GALNT17: variants seen among roughly 807,000 people sequenced by gnomAD.
The protein encoded by GALNT17 is UDP-GalNAc:polypeptide N-acetylgalactosaminyltransferase-like 3.
In GALNT17, 29 loss-of-function variants were observed where a neutral mutation model predicts 63.7. That is an observed-to-expected ratio of 0.46 (90% CI 0.34 to 0.62). GALNT17 has a LOEUF of 0.62. GALNT17 is among the 20% of genes least tolerant of loss of function. The probability of loss-of-function intolerance (pLI) is 0.01; values close to 1 mark genes in which losing one functional copy is unlikely to be tolerated. For missense variants in GALNT17, 603 were observed against 799.6 expected (o/e 0.75, Z 2.97); for synonymous variants, 305 against 318.3 (o/e 0.96, Z 0.45).
chr7:71,525,712 T>TACTC (rs1414557550), intron 5 of GALNT17, among the ~76,000 whole-genome samples: 1 of 151,202 alleles, frequency 6.6e-6, no homozygotes, highest in Non-Finnish European at 1.5e-5. Flanking sequence ...TTACTGAAAT[T>TACTC]ACTCAGTCTT....
chr7:71,481,307 A>G (rs937762401), intron 5 of GALNT17, among the ~76,000 whole-genome samples: 1 of 152,030 alleles, frequency 6.6e-6, no homozygotes, highest in Non-Finnish European at 1.5e-5. Context: ...AAAATTAGTC[A>G]GGGGTGGTGG....
At chr7:71,151,823 T>G (rs1788141207) in intron 1 of GALNT17, among the ~76,000 whole-genome samples, 1 of 152,098 alleles carries the variant, frequency 6.6e-6, no homozygotes, top group African/African-American at 2.4e-5. Context: ...TTGTTACAGT[T>G]TCTGCTGAAA....
At chr7:71,675,029 C>G (rs143736411) in intron 8 of GALNT17, among the ~76,000 whole-genome samples, 1,785 of 151,924 alleles carry the variant, frequency 0.012, 19 homozygotes, top group African/African-American at 0.032. Flanking sequence ...ACTAAAAATA[C>G]AAAAATTAGC....
intron 2 of GALNT17, among the ~76,000 whole-genome samples, chr7:71,373,525 G>A (rs1359924001): frequency 5.3e-5 from 8 of 152,144 alleles, no homozygotes; most frequent in Non-Finnish European, 1.2e-4. Context: ...GAACTGGGCC[G>A]AACAGCAGGA....
intron 5 of GALNT17, among the ~76,000 whole-genome samples, chr7:71,567,198 A>G (rs989789479): frequency 1.3e-5 from 2 of 152,154 alleles, no homozygotes; most frequent in Non-Finnish European, 1.5e-5. Flanking sequence ...CTGCTTCTCT[A>G]AAAGGCGCCA....
intron 1 of GALNT17, among the ~76,000 whole-genome samples, chr7:71,304,156 T>A (rs1265385874): frequency 6.6e-6 from 1 of 152,198 alleles, no homozygotes; most frequent in Non-Finnish European, 1.5e-5. Context: ...CGTAGTTGAT[T>A]TTTGCAAGCT....
At chr7:71,647,364 C>T (rs1257917466) in intron 6 of GALNT17, among the ~76,000 whole-genome samples, 3 of 152,104 alleles carry the variant, frequency 2.0e-5, no homozygotes, top group Non-Finnish European at 2.9e-5. Flanking sequence ...CCACCATGCC[C>T]AGCCCAAATC....
At chr7:71,376,425 GTTTTTTTTTTTTT>G (rs57171551) in intron 2 of GALNT17, among the ~76,000 whole-genome samples, 3 of 63,336 alleles carry the variant, frequency 4.7e-5, no homozygotes, top group Non-Finnish European at 5.5e-5. Context: ...GTTTGGAGTT[GTTTTTTTTTTTTT>G]TTTTTTTTTT....
At chr7:71,398,426 T>G (rs964084744) in intron 3 of GALNT17, among the ~76,000 whole-genome samples, 3 of 152,224 alleles carry the variant, frequency 2.0e-5, no homozygotes, top group Non-Finnish European at 2.9e-5. Flanking sequence ...GTGATCATTT[T>G]TATTCTCTGA....
chr7:71,474,300 G>A (rs1169882209), intron 5 of GALNT17, among the ~76,000 whole-genome samples: 1 of 152,108 alleles, frequency 6.6e-6, no homozygotes, highest in Non-Finnish European at 1.5e-5. Flanking sequence ...TGTTTTATCA[G>A]CAAAATTTTT....
intron 1 of GALNT17, among the ~76,000 whole-genome samples, chr7:71,166,088 T>G (rs1409540190): frequency 6.6e-6 from 1 of 152,204 alleles, no homozygotes. Context: ...CTTTGCAGAG[T>G]TTTTGTGACT....
At chr7:71,635,138 C>G (rs1790510645) in intron 6 of GALNT17, among the ~76,000 whole-genome samples, 2 of 146,276 alleles carry the variant, frequency 1.4e-5, no homozygotes, top group Admixed American at 1.4e-4. Context: ...ACCCGGGAGG[C>G]AGAGGTTGCA....
At chr7:71,309,407 G>A (rs1791371549) in intron 1 of GALNT17, among the ~76,000 whole-genome samples, 1 of 152,020 alleles carries the variant, frequency 6.6e-6, no homozygotes, top group African/African-American at 2.4e-5. Flanking sequence ...CTGCTGGGAA[G>A]GAGTTTCCAC....
At position 71,397,438 on chromosome 7, in the gene GALNT17, G is replaced by A. The variant is rs75421415; in HGVS notation, c.589+9037G>A. ...AAGCAGAACATGTCTTGAGAGATAC[G>A]AGATATGATACAGTGAATGTCTTCC... On this transcript the variant is annotated intron_variant, in intron 3 of 10. Coordinates refer to ENST00000333538, the MANE Select transcript of GALNT17 (RefSeq NM_022479.3). 4.1e-3 allele frequency among the ~76,000 whole-genome samples: 621 copies of A among 152,166 alleles called. 4 individuals are homozygous for A. The highest frequency in any genetic ancestry group is 0.014 in the African/African-American group (562 of 41,526).
chr7:71,614,994 A>T (rs1284024102), intron 6 of GALNT17, among the ~76,000 whole-genome samples: 5 of 152,080 alleles, frequency 3.3e-5, no homozygotes, highest in African/African-American at 1.2e-4. Flanking sequence ...CCAGCCTCAC[A>T]TTTCTAGTGC....
At chr7:71,282,687 C>T (rs1790799136) in intron 1 of GALNT17, among the ~76,000 whole-genome samples, 1 of 151,152 alleles carries the variant, frequency 6.6e-6, no homozygotes, top group African/African-American at 2.4e-5. Flanking sequence ...TGGGGTCCAT[C>T]TCAAGGGAGG....
chr7:71,304,236 G>T (rs906361666), intron 1 of GALNT17, among the ~76,000 whole-genome samples: 1 of 152,148 alleles, frequency 6.6e-6, no homozygotes, highest in Non-Finnish European at 1.5e-5. Flanking sequence ...TTACCCAACA[G>T]ATACTTTTTG....
At chr7:71,593,248 TA>T (rs1789836805) in intron 6 of GALNT17, among the ~76,000 whole-genome samples, 2 of 143,554 alleles carry the variant, frequency 1.4e-5, no homozygotes, top group Admixed American at 1.5e-4. Context: ...GATTTACCAA[TA>T]TTTTTCTTCC....
chr7:71,231,267 A>T (rs1326225278), intron 1 of GALNT17, among the ~76,000 whole-genome samples: 3 of 150,230 alleles, frequency 2.0e-5, no homozygotes, highest in Non-Finnish European at 3.0e-5. Context: ...GGGATGGTTG[A>T]CCTTAGACTT....
Sources: gnomAD v4.1 joint callset for allele counts (sites outside exome capture counted in the v4.1 genomes callset) on GRCh38, gnomAD v4.1.1 for gene constraint, MANE v1.5 for transcripts, NCBI Gene and HGNC (gene_info 2026-07-23, HGNC 2026-07-21) for gene names.